The following PDE10A variants were observed in gnomAD, a reference collection of about 807,000 sequenced individuals.
PDE10A encodes phosphodiesterase 10A, also known as cAMP and cAMP-inhibited cGMP 3',5'-cyclic phosphodiesterase 10A.
PDE10A carries 39 observed loss-of-function variants against 97.7 expected under a neutral mutation model. The observed-to-expected ratio is 0.40, with a 90% confidence interval of 0.31 to 0.52. PDE10A has a LOEUF of 0.52. Among genes scored for constraint, PDE10A ranks in the 20% least tolerant of loss-of-function variants. The pLI is 0.56. For missense variants in PDE10A, 731 were observed against 1,047.8 expected (o/e 0.70, Z 4.17); for synonymous variants, 371 against 376.8 (o/e 0.98, Z 0.18).
At chr6:165,657,539 C>T (rs895941690) in intron 1 of PDE10A, among the ~76,000 whole-genome samples, 9 of 152,180 alleles carry the variant, frequency 5.9e-5, no homozygotes, top group African/African-American at 7.2e-5. Context: ...TTTAACCTGC[C>T]GTATAGTAAA....
chr6:165,799,396 C>G (rs1416184835), intron 1 of PDE10A, among the ~76,000 whole-genome samples: 1 of 151,986 alleles, frequency 6.6e-6, no homozygotes, highest in Non-Finnish European at 1.5e-5. Flanking sequence ...TGTCCTGCTT[C>G]TTGGTAACAG....
At chr6:165,362,366 G>A (rs1297555952) in intron 18 of PDE10A, among the ~76,000 whole-genome samples, 4 of 151,834 alleles carry the variant, frequency 2.6e-5, no homozygotes, top group Admixed American at 1.3e-4. Context: ...GAACAGAAAC[G>A]AAAAAGGGAA....
At chr6:165,394,044 C>A (rs191272875) in intron 15 of PDE10A, among the ~76,000 whole-genome samples, 2 of 146,300 alleles carry the variant, frequency 1.4e-5, no homozygotes, top group African/African-American at 5.0e-5. Context: ...TAAATTTACA[C>A]GTGGTGTTCT....
At chr6:165,972,863 A>G (rs1235405263) in intron 1 of PDE10A, among the ~76,000 whole-genome samples, 1 of 152,170 alleles carries the variant, frequency 6.6e-6, no homozygotes, top group Non-Finnish European at 1.5e-5. Context: ...TTCACTCACA[A>G]TAAAAAATGT....
intron 1 of PDE10A, among the ~76,000 whole-genome samples, chr6:165,928,471 G>T (rs186510391): frequency 1.3e-5 from 2 of 152,272 alleles, no homozygotes; most frequent in African/African-American, 4.8e-5. Context: ...CTGTTTAACC[G>T]CCAGGCATGG....
chr6:165,463,444 T>C (rs1253640254), intron 3 of PDE10A, among the ~76,000 whole-genome samples: 2 of 152,204 alleles, frequency 1.3e-5, no homozygotes, highest in African/African-American at 4.8e-5. Flanking sequence ...TGCAAGGAAC[T>C]GGAGTGCTTA....
chr6:165,613,226 A>C (rs565522746), intron 1 of PDE10A, among the ~76,000 whole-genome samples: 1 of 152,280 alleles, frequency 6.6e-6, no homozygotes, highest in East Asian at 1.9e-4. Flanking sequence ...GCATGTGTTC[A>C]GGTTTTTTTA....
chr6:165,749,407 C>T (rs1792937839), intron 1 of PDE10A, among the ~76,000 whole-genome samples: 5 of 103,452 alleles, frequency 4.8e-5, no homozygotes, highest in Non-Finnish European at 1.0e-4. Flanking sequence ...ACCATCAACA[C>T]CATCACCATC....
rs1791203059 is a variant in PDE10A, at chr6:165,689,174, A to G, written c.-614-145606T>C. On this transcript the variant is annotated intron_variant, in intron 1 of 19. Coordinates refer to the PDE10A transcript ENST00000366882. ...GGCTTTGCCTCTTGTTAGCTGTGTG[A>G]CTTTGGTTAAGTCACATAACCGTTG... 3.3e-5 allele frequency among the ~76,000 whole-genome samples: 5 copies of G among 152,286 alleles called. No individual in the cohort carries two copies. The South Asian group carries it at 1.0e-3, about 32-fold the overall frequency.
At chr6:165,349,700 G>A (rs1210671909) in intron 18 of PDE10A, among the ~76,000 whole-genome samples, 1 of 152,170 alleles carries the variant, frequency 6.6e-6, no homozygotes, top group African/African-American at 2.4e-5. Flanking sequence ...GAGGCCCAAG[G>A]GGCAGAAATG....
chr6:165,975,638 A>T (rs1032017562), intron 1 of PDE10A, among the ~76,000 whole-genome samples: 2 of 152,232 alleles, frequency 1.3e-5, no homozygotes, highest in African/African-American at 2.4e-5. Flanking sequence ...GCAAAATAAG[A>T]AATTATCAGA....
chr6:165,498,801 GA>G (rs978978483), intron 2 of PDE10A, among the ~76,000 whole-genome samples: 4 of 152,106 alleles, frequency 2.6e-5, no homozygotes, highest in African/African-American at 9.7e-5. Context: ...CCTTACTTTT[GA>G]AAATGTTTTT....
intron 1 of PDE10A, among the ~76,000 whole-genome samples, chr6:165,883,875 T>G (rs1781557360): frequency 6.6e-6 from 1 of 152,178 alleles, no homozygotes; most frequent in African/African-American, 2.4e-5. Context: ...CCCACCACTT[T>G]GCTCAATAAG....
chr6:165,960,233 G>C (rs1465430995), intron 1 of PDE10A, among the ~76,000 whole-genome samples: 1 of 152,182 alleles, frequency 6.6e-6, no homozygotes, highest in Non-Finnish European at 1.5e-5. Context: ...AAAAAATAGT[G>C]AAGGCTGAGT....
intron 1 of PDE10A, among the ~76,000 whole-genome samples, chr6:165,875,964 G>T (rs1781334930): frequency 6.6e-6 from 1 of 152,194 alleles, no homozygotes; most frequent in African/African-American, 2.4e-5. Flanking sequence ...CATCATAGTT[G>T]TGTAAAGTGG....
chr6:165,794,937 G>T (rs1286990312), intron 1 of PDE10A, among the ~76,000 whole-genome samples: 1 of 152,168 alleles, frequency 6.6e-6, no homozygotes, highest in Non-Finnish European at 1.5e-5. Flanking sequence ...GTTTCGTGCT[G>T]CACACAATCC....
At chr6:165,496,610 G>A (rs751222418) in intron 2 of PDE10A, among the ~76,000 whole-genome samples, 4 of 152,134 alleles carry the variant, frequency 2.6e-5, no homozygotes, top group Non-Finnish European at 4.4e-5. Flanking sequence ...CTGGACACAC[G>A]TGAAGGACTT....
At chr6:165,622,536 C>G (rs1788193949) in intron 1 of PDE10A, among the ~76,000 whole-genome samples, 1 of 152,106 alleles carries the variant, frequency 6.6e-6, no homozygotes, top group South Asian at 2.1e-4. Context: ...CTAAACATAT[C>G]TAAACATAGG....
At chr6:165,516,115 T>C (rs555870384) in intron 2 of PDE10A, among the ~76,000 whole-genome samples, 4 of 152,330 alleles carry the variant, frequency 2.6e-5, no homozygotes, top group African/African-American at 9.6e-5. Flanking sequence ...AATAGTTTCC[T>C]CCTATCTAAG....
Sources: allele counts gnomAD v4.1 joint callset (sites outside exome capture counted in the v4.1 genomes callset), GRCh38; gene constraint gnomAD v4.1.1; transcripts MANE v1.5; gene names NCBI Gene and HGNC (gene_info 2026-07-23, HGNC 2026-07-21).